The following LSS variants were observed in gnomAD, a reference collection of about 807,000 sequenced individuals.
LSS encodes lanosterol synthase, also known as 2,3-epoxysqualene-lanosterol cyclase.
In LSS, 90 loss-of-function variants were observed where a neutral mutation model predicts 110.3. The observed-to-expected ratio is 0.82, with a 90% confidence interval of 0.69 to 0.97. The LOEUF (loss-of-function observed/expected upper bound fraction) is 0.97. LSS is among the 50% of genes least tolerant of loss of function. The pLI is 0.00. For missense variants in LSS, 927 were observed against 990.0 expected, an observed-to-expected ratio of 0.94 and a Z score of 0.85; for synonymous variants, 433 against 400.0, an observed-to-expected ratio of 1.08 and a Z score of -0.98.
chr21:46,202,293 C>T (rs1454845147), intron 17 of LSS, among the ~76,000 whole-genome samples: 1 of 142,814 alleles, frequency 7.0e-6, no homozygotes, highest in Admixed American at 6.9e-5. Flanking sequence ...ACTTGGGAGG[C>T]TGAGGCAGGA....
At chr21:46,220,968 A>C (rs1238755420) in intron 5 of LSS, among the ~76,000 whole-genome samples, 2 of 137,486 alleles carry the variant, frequency 1.5e-5, no homozygotes, top group African/African-American at 5.7e-5. Context: ...TGGGGCTTGG[A>C]GAGGTGGACA....
chr21:46,222,292 G>A, intron 4 of LSS: 1 of 525,948 alleles, frequency 1.9e-6, no homozygotes, highest in Non-Finnish European at 3.4e-6. Context: ...GTGCCACATG[G>A]CAGGAAAGCT....
At chr21:46,227,769 G>A in intron 2 of LSS, 79 bp from the exon 3 acceptor site, 4 of 1,501,936 alleles carry the variant, frequency 2.7e-6, no homozygotes, top group Non-Finnish European at 3.6e-6. Context: ...TTCACATACA[G>A]CCCAAGTCAA....
Position 46,215,969 on chromosome 21 carries a change from C to T in LSS, c.784-176G>A, listed in dbSNP as rs73386515. ...ACATGAAGGCCCCCTATGGGAGGAC[C>T]GCTCTGAGGAGCTCCCCAGCTCCAT... On this transcript the variant is annotated intron_variant, in intron 7 of 21. Coordinates refer to ENST00000397728, the MANE Select transcript of LSS (RefSeq NM_002340.6). 0.074 allele frequency among the ~76,000 whole-genome samples: 11,258 copies of T among 152,186 alleles called. 651 individuals carry two copies. Among genetic ancestry groups the T allele is most frequent in the African/African-American group, 0.15 (6,394 of 41,496 alleles).
At chr21:46,225,254 A>G (rs1317032076) in intron 3 of LSS, 15 of 308,514 alleles carry the variant, frequency 4.9e-5, no homozygotes, top group African/African-American at 2.9e-4. Flanking sequence ...GGAGCTGAAG[A>G]GACATAGTGA....
chr21:46,203,878 C>T lies in LSS; in HGVS notation c.1670+1958G>A, dbSNP rs1240314075. On this transcript the variant is annotated intron_variant, in intron 17 of 21. Coordinates refer to ENST00000397728, the MANE Select transcript of LSS (RefSeq NM_002340.6). ...TTAGTATCTGTGCTACCACAGCAAG[C>T]ACCAGAACACACATTTAACTGAATG... is the stretch of plus-strand genomic sequence containing the variant. Among the ~76,000 whole-genome samples, 16 of 152,242 alleles carry T rather than the reference C, an allele frequency of 1.1e-4. 1 individual carries two copies. Among genetic ancestry groups the T allele is most frequent in the Admixed American group, 1.0e-3 (16 of 15,292 alleles).
rs952826915 is a variant in LSS at position 46,189,653 on chromosome 21, T to C, written c.*1451A>G. On this transcript the variant is annotated 3_prime_UTR_variant, in exon 22 of 22. Coordinates refer to ENST00000397728, the MANE Select transcript of LSS (RefSeq NM_002340.6). ...ACTCTGGGCAGGCAATGACAGGATC[T>C]GAGGGTGTCCAGACGCAGATCTCCA... 2 of 456,046 alleles carry C rather than the reference T, an allele frequency of 4.4e-6. No individual in the cohort carries two copies. The highest frequency in any genetic ancestry group is 4.0e-5 in the African/African-American group (2 of 50,154). 28.2% of individuals were successfully genotyped at this position (456,046 alleles called of 1,614,324 possible).
Position 46,215,759 on chromosome 21 carries a change from C to G in LSS, c.818G>C (p.Trp273Ser). The G allele has an allele frequency of 6.2e-7, 1 of 1,612,746 alleles. No homozygotes were observed. The highest frequency in any genetic ancestry group is 1.1e-5 in the South Asian group (1 of 90,920). The stretch of plus-strand genomic sequence containing the variant: ...GGCCACGTTGTTCCTCTGCGCCAGC[C>G]AGTCAATGCTGGCGAAGTCCTCCAC... Reference protein sequence around the residue: ...LYVEDFASIDWLAQRNNVAPD... With the variant: ...LYVEDFASIDSLAQRNNVAPD... Residue 273 changes from tryptophan (W) to serine (S), a missense_variant, in exon 8 of 22, where the codon TGG (tryptophan) becomes TCG (serine). Physicochemically the swap from Trp to Ser is radical, Grantham distance 177. Transcript: ENST00000397728.
intron 17 of LSS, among the ~76,000 whole-genome samples, chr21:46,205,230 T>C (rs928326524): frequency 2.6e-5 from 4 of 152,120 alleles, no homozygotes; most frequent in African/African-American, 4.8e-5. Context: ...GGCATCTGTG[T>C]TCAACCGAAG....
In LSS at chr21:46,194,580, A is replaced by G. The variant is rs775078203; in HGVS notation, c.1899T>C (p.Phe633=). 6.2e-7 allele frequency: 1 copy of G among 1,613,760 alleles called. No homozygotes were observed. The highest frequency in any genetic ancestry group is 8.5e-7 in the Non-Finnish European group (1 of 1,179,962). The change falls in exon 20 of 22, where the codon TTT becomes TTC. Residue 633 remains phenylalanine, a synonymous_variant. Coordinates refer to ENST00000397728, the MANE Select transcript of LSS (RefSeq NM_002340.6). The part of the protein sequence containing the change: ...QMADGGWGED[F]ESCEERRYLQ... ...AATAACGCCGCTCCTCGCAGGACTC[A>G]AAGTCCTCCCCCCAGCCTCCGTCTG...
At chr21:46,201,801 CTTTT>C (rs35255202) in intron 17 of LSS, among the ~76,000 whole-genome samples, 1 of 144,976 alleles carries the variant, frequency 6.9e-6, no homozygotes. Flanking sequence ...AGTTTAAAAT[CTTTT>C]TTTTTTTTTT....
intron 11 of LSS, among the ~76,000 whole-genome samples, chr21:46,211,251 G>C (rs140233907): frequency 0.01 from 1,567 of 152,200 alleles, 15 homozygotes; most frequent in Non-Finnish European, 0.017. Flanking sequence ...CTCAGCCTCC[G>C]GAGTAGCTGG....
In LSS at chr21:46,209,526, C is replaced by T. The variant is rs1418242398; in HGVS notation, c.1266+28G>A. 6.3e-7 allele frequency: 1 copy of T among 1,582,512 alleles called. No individual in the cohort carries two copies. Among genetic ancestry groups the T allele is most frequent in the South Asian group, 1.2e-5 (1 of 86,466 alleles). On this transcript the variant is annotated intron_variant, in intron 13 of 21. Transcript: ENST00000397728. The surrounding 1 kb of genome is among the most constrained non-coding windows in gnomAD (Gnocchi z 4.4). ...CCAGCCCTGATCCCCCTCTTCAGCCCCCTCAGAGCCCCAGGCACCGGCCTC... is the reference window on the plus strand; with the variant it reads ...CCAGCCCTGATCCCCCTCTTCAGCCTCCTCAGAGCCCCAGGCACCGGCCTC...
intron 11 of LSS, among the ~76,000 whole-genome samples, chr21:46,211,513 G>A (rs2080134618): frequency 6.6e-6 from 1 of 152,146 alleles, no homozygotes; most frequent in African/African-American, 2.4e-5. Context: ...CTCACCCCGA[G>A]CTGGGCTCAC....
intron 3 of LSS, among the ~76,000 whole-genome samples, chr21:46,223,005 C>T (rs187596845): frequency 7.2e-5 from 11 of 152,328 alleles, no homozygotes; most frequent in Non-Finnish European, 1.2e-4. Flanking sequence ...CCACCAGGGT[C>T]TGAGAAACAC....
rs924398781 is a variant in LSS at position 46,189,766 on chromosome 21, G to C, written c.*1338C>G. The C allele has an allele frequency of 2.2e-6, 1 of 456,832 alleles. No individual in the cohort carries two copies. Among genetic ancestry groups the C allele is most frequent in the Non-Finnish European group, 4.4e-6 (1 of 226,488 alleles). 28.3% of individuals were successfully genotyped at this position (456,832 alleles called of 1,614,324 possible). ...GGCAGGGAGGGGAAGAGCAGATAAG[G>C]AGGTATAGGGTGTGCCCTGGGCAAG... On this transcript the variant is annotated 3_prime_UTR_variant, in exon 22 of 22. Coordinates refer to ENST00000397728, the MANE Select transcript of LSS (RefSeq NM_002340.6).
intron 3 of LSS, among the ~76,000 whole-genome samples, chr21:46,225,848 A>T (rs1569038389): frequency 6.6e-6 from 1 of 152,098 alleles, no homozygotes; most frequent in Non-Finnish European, 1.5e-5. Context: ...TCTTGTATCC[A>T]ATAAATATCA....
chr21:46,215,925 A>G lies in LSS; in HGVS notation c.784-132T>C, dbSNP rs955043974. On this transcript the variant is annotated intron_variant, in intron 7 of 21. Coordinates refer to ENST00000397728, the MANE Select transcript of LSS (RefSeq NM_002340.6). ...TCCCTTCCTGGGTGGGGGTCCCTCCAGCAACTGACCCCGAGGCCACATGAA... is the reference window on the plus strand; with the variant it reads ...TCCCTTCCTGGGTGGGGGTCCCTCCGGCAACTGACCCCGAGGCCACATGAA... 1.2e-4 allele frequency: 72 copies of G among 620,080 alleles called. No individual in the cohort carries two copies. The Middle Eastern group carries it at 1.2e-3, about 10-fold the overall frequency. The allele number at this position is 620,080 out of a possible 1,614,324, so 38.4% of individuals were successfully genotyped here. A position where few individuals can be genotyped will look rare whatever the true frequency, so the allele number is the denominator to read the frequency against.
At chr21:46,203,874 C>G (rs1038414440) in intron 17 of LSS, among the ~76,000 whole-genome samples, 1 of 152,258 alleles carries the variant, frequency 6.6e-6, no homozygotes, top group Non-Finnish European at 1.5e-5. Context: ...GCTACCACAG[C>G]AAGCACCAGA....
Sources: allele counts gnomAD v4.1 joint callset (sites outside exome capture counted in the v4.1 genomes callset), GRCh38; gene constraint gnomAD v4.1.1; non-coding constraint Gnocchi (gnomAD v3.1); transcripts MANE v1.5; gene names NCBI Gene and HGNC (gene_info 2026-07-23, HGNC 2026-07-21).